Variants in SEMA3B observed in about 807,000 individuals in gnomAD.
SEMA3B encodes semaphorin 3B.
A neutral mutation model predicts 77.8 loss-of-function variants in SEMA3B; 71 were observed. The observed-to-expected ratio is 0.91, with a 90% CI of 0.75 to 1.11. The LOEUF is 1.11. Among genes scored for constraint, SEMA3B ranks in the 50% most tolerant of loss-of-function variants. SEMA3B has a pLI of 0.00. For synonymous variants in SEMA3B, 470 were observed against 452.9 expected (o/e 1.04, Z -0.48); for missense variants, 968 against 1,056.8 (o/e 0.92, Z 1.17).
rs1214752371 is a variant in SEMA3B, at chr3:50,276,712, C to G, written c.*6C>G. On this transcript the variant is annotated 3_prime_UTR_variant, in exon 17 of 17. Transcript: ENST00000616701. This position sits in a 1 kb window ranked among gnomAD's most constrained non-coding sequence, Gnocchi z 5.8. ...GCAGCGCAACGCACTGGTGACCAGA[C>G]TGTCCCCACGCCGGGAACCAAGCAG... 9 of 1,497,544 alleles carry G rather than the reference C, an allele frequency of 6.0e-6. No individual in the cohort carries two copies. Among genetic ancestry groups the G allele is most frequent in the Non-Finnish European group, 5.3e-6 (6 of 1,132,156 alleles). The allele number at this position is 1,497,544 out of a possible 1,614,324, so 92.8% of individuals were successfully genotyped here. A position where few individuals can be genotyped will look rare whatever the true frequency, so the allele number is the denominator to read the frequency against.
upstream of SEMA3B, among the ~76,000 whole-genome samples, chr3:50,267,125 A>C (rs1000553484): frequency 1.2e-4 from 19 of 152,140 alleles, no homozygotes; most frequent in East Asian, 3.9e-4. The surrounding 1 kb of genome is among the most constrained non-coding windows in gnomAD (Gnocchi z 5.7). Flanking sequence ...AAGTGGCCCA[A>C]GTGTTGAGGA....
intron 5 of SEMA3B, 64 bp downstream of exon 5, chr3:50,271,245 A>G: frequency 6.5e-7 from 1 of 1,546,650 alleles, no homozygotes; most frequent in Non-Finnish European, 8.7e-7. Flanking sequence ...ACAAAGTCCC[A>G]AGACCCCCAA....
chr3:50,269,326 C>T lies in SEMA3B; in HGVS notation c.86C>T (p.Pro29Leu), dbSNP rs936109726. 2 of 1,515,982 alleles carry T rather than the reference C, an allele frequency of 1.3e-6. No individual in the cohort carries two copies. Among genetic ancestry groups the T allele is most frequent in the African/African-American group, 1.4e-5 (1 of 71,322 alleles). 93.9% of individuals were successfully genotyped at this position (1,515,982 alleles called of 1,614,324 possible). ...VGLGSAAPSP[P>L]RLRLSFQELQ... ...CTGGGGAGTGCCGCCCCCAGCCCCC[C>T]ACGCCTTCGGCTCTCCTTCCAAGGT... Residue 29 changes from proline to leucine, a missense_variant, in exon 1 of 17, where the codon CCA becomes CTA. Coordinates refer to ENST00000616701, the MANE Select transcript of SEMA3B (RefSeq NM_001290060.2). The surrounding 1 kb of genome is among the most constrained non-coding windows in gnomAD (Gnocchi z 4.0).
In SEMA3B at chr3:50,274,121, C is replaced by T; in HGVS notation, c.1137+64C>T. On this transcript the variant is annotated intron_variant, in intron 10 of 16. Coordinates refer to ENST00000616701, the MANE Select transcript of SEMA3B (RefSeq NM_001290060.2). The surrounding 1 kb of genome is among the most constrained non-coding windows in gnomAD (Gnocchi z 4.7). ...AGCCTCAAGGGTTTGAGAACTTGGC[C>T]TGGGGTCTTCTTGGTGAATGTGGTT... 6.4e-7 allele frequency: 1 copy of T among 1,572,086 alleles called. No individual in the cohort carries two copies. Among genetic ancestry groups the T allele is most frequent in the Non-Finnish European group, 8.6e-7 (1 of 1,163,708 alleles).
rs781998921 is a variant in SEMA3B, at chr3:50,274,831, T to C, written c.1358-12T>C. On this transcript the variant is annotated splice_polypyrimidine_tract_variant and intron_variant, in intron 11 of 16. Transcript: ENST00000616701. The surrounding 1 kb of genome is among the most constrained non-coding windows in gnomAD (Gnocchi z 4.7). ...GAGCACCAATGGTCATTACCCCTTC[T>C]CATCCCTGCAGACGTTGGCACGGTG... 1.9e-6 allele frequency: 3 copies of C among 1,609,946 alleles called. No homozygotes were observed. Among genetic ancestry groups the C allele is most frequent in the Admixed American group, 3.3e-5 (2 of 59,802 alleles).
In SEMA3B at chr3:50,275,745, C is replaced by T; in HGVS notation, c.1746C>T (p.Gly582=). 2 of 1,613,314 alleles carry T rather than the reference C, an allele frequency of 1.2e-6. No individual in the cohort carries two copies. The highest frequency in any genetic ancestry group is 1.1e-5 in the South Asian group (1 of 91,044). The change falls in exon 16 of 17, where the codon GGC becomes GGT. Residue 582 remains glycine (G), a synonymous_variant. Transcript: ENST00000616701. The surrounding 1 kb of genome is among the most constrained non-coding windows in gnomAD (Gnocchi z 7.5). ...CGCTGCTGGAACACAAGGTGTTCGGCGTGGAGGGCAGCAGCGCCTTTCTGG... is the reference window on the plus strand; with the variant it reads ...CGCTGCTGGAACACAAGGTGTTCGGTGTGGAGGGCAGCAGCGCCTTTCTGG... ...RPALLEHKVF[G]VEGSSAFLEC...
chr3:50,261,525 TGAG>T, the SEMA3B span: 1 of 152,440 alleles, frequency 6.6e-6, no homozygotes, highest in Non-Finnish European at 1.5e-5. Flanking sequence ...GGAAACTCAG[TGAG>T]GAGGAGCCAG....
At chr3:50,262,004 G>T in the SEMA3B span, 1 of 152,416 alleles carries the variant, frequency 6.6e-6, no homozygotes, top group Non-Finnish European at 1.5e-5. Flanking sequence ...GCCCTAAAAA[G>T]AGACCCTGGG....
chr3:50,271,781 G>A (rs587610883), intron 6 of SEMA3B, among the ~76,000 whole-genome samples: 1 of 152,342 alleles, frequency 6.6e-6, no homozygotes, highest in African/African-American at 2.4e-5. Flanking sequence ...CCGCTGTGCT[G>A]AGGGGAGTAT....
chr3:50,262,298 AAAAT>A, the SEMA3B span: 1 of 152,172 alleles, frequency 6.6e-6, no homozygotes, highest in Admixed American at 6.5e-5. Flanking sequence ...CCATCTCAAA[AAAAT>A]AAATAAAAGG....
Position 50,270,091 on chromosome 3 carries a change from TG to T in SEMA3B, c.110-34del. On this transcript the variant is annotated intron_variant, in intron 1 of 16. Transcript: ENST00000616701. The surrounding 1 kb of genome is among the most constrained non-coding windows in gnomAD (Gnocchi z 4.7). ...CAGGACCTGGGGGAGGCTTCCAGCA[TG>T]GCTGGCGAGTCATCAGCAGTGTCCT... 1 of 1,498,720 alleles carries T rather than the reference TG, an allele frequency of 6.7e-7. No homozygotes were observed. 92.8% of individuals were successfully genotyped at this position (1,498,720 alleles called of 1,614,324 possible).
Position 50,275,639 on chromosome 3 carries a change from C to T in SEMA3B, c.1705+24C>T. The T allele has an allele frequency of 1.2e-6, 2 of 1,613,690 alleles. No individual in the cohort carries two copies. The highest frequency in any genetic ancestry group is 2.2e-5 in the South Asian group (2 of 91,078). On this transcript the variant is annotated intron_variant, in intron 15 of 16. Coordinates refer to ENST00000616701, the MANE Select transcript of SEMA3B (RefSeq NM_001290060.2). This position sits in a 1 kb window ranked among gnomAD's most constrained non-coding sequence, Gnocchi z 7.5. ...AGGTGAGTGCCCCAGCTGCCCCTAC[C>T]CTCAGCCCCAGAAGACGCCCCACCT... is the stretch of plus-strand genomic sequence containing the variant.
upstream of SEMA3B, among the ~76,000 whole-genome samples, chr3:50,264,944 G>T (rs1700873944): frequency 6.6e-6 from 1 of 152,028 alleles, no homozygotes; most frequent in Non-Finnish European, 1.5e-5. Flanking sequence ...GCAGGCGGGG[G>T]TAGGGCCACA....
rs201753816 is a variant in SEMA3B, at chr3:50,276,085, A to ACC, written c.1846-212_1846-211dup. ...GACCCTCCCATTAAGGTCCCTGACC[A>ACC]CCCCCCACCAAGTTCATGTAAACCC... is the stretch of plus-strand genomic sequence containing the variant. On this transcript the variant is annotated intron_variant, in intron 16 of 16. Transcript: ENST00000616701. The surrounding 1 kb of genome is among the most constrained non-coding windows in gnomAD (Gnocchi z 5.8). 35 of 689,724 alleles carry ACC rather than the reference A, an allele frequency of 5.1e-5. No homozygotes were observed. The highest frequency in any genetic ancestry group is 2.4e-4 in the East Asian group (7 of 28,966). The allele number at this position is 689,724 out of a possible 1,614,324, so 42.7% of individuals were successfully genotyped here.
chr3:50,273,628 AC>A lies in SEMA3B; in HGVS notation c.907del (p.His303ThrfsTer42). On this transcript the variant is annotated frameshift_variant, in exon 8 of 17. Coordinates refer to ENST00000616701, the MANE Select transcript of SEMA3B (RefSeq NM_001290060.2). LOFTEE classifies it high-confidence loss of function. This position sits in a 1 kb window ranked among gnomAD's most constrained non-coding sequence, Gnocchi z 6.5. ...VCSVPGVEGD[T>X]HFDQLQDVFL... ...CTCGGTGCCCGGCGTCGAGGGCGAC[AC>A]CCACTTCGATCAGCTCCGTGAGTGC... is the stretch of plus-strand genomic sequence containing the variant. The A allele has an allele frequency of 6.2e-7, 1 of 1,611,818 alleles. No individual in the cohort carries two copies. The highest frequency in any genetic ancestry group is 8.5e-7 in the Non-Finnish European group (1 of 1,179,592).
intron 6 of SEMA3B, 134 bp downstream of exon 6, chr3:50,271,614 C>A (rs943656425): frequency 2.3e-6 from 3 of 1,290,532 alleles, no homozygotes; most frequent in Non-Finnish European, 2.1e-6. Context: ...CAGGCACTGG[C>A]GTCACAGAGA....
Position 50,270,044 on chromosome 3 carries a change from G to A in SEMA3B, c.110-83G>A. The A allele has an allele frequency of 2.1e-6, 3 of 1,413,694 alleles. No individual in the cohort carries two copies. In the South Asian group the frequency reaches 4.4e-5, roughly 21 times the overall value. The allele number at this position is 1,413,694 out of a possible 1,614,324, so 87.6% of individuals were successfully genotyped here. ...CAGGCCAGGTCCTAATGGCAACCTTGGCCGATAGAGTCACCACCAGGCAGG... is the reference window on the plus strand; with the variant it reads ...CAGGCCAGGTCCTAATGGCAACCTTAGCCGATAGAGTCACCACCAGGCAGG... On this transcript the variant is annotated intron_variant, in intron 1 of 16. Coordinates refer to ENST00000616701, the MANE Select transcript of SEMA3B (RefSeq NM_001290060.2). This position sits in a 1 kb window ranked among gnomAD's most constrained non-coding sequence, Gnocchi z 4.7.
chr3:50,268,937 G>T, upstream of SEMA3B: 1 of 474,834 alleles, frequency 2.1e-6, no homozygotes. Context: ...TTACTGGGAA[G>T]GGTGACGTGG....
At chr3:50,263,372 G>A (rs1700855464), upstream of SEMA3B, 1 of 151,792 alleles carries the variant, frequency 6.6e-6, no homozygotes, top group Non-Finnish European at 1.5e-5. Flanking sequence ...TGTGGTGTGT[G>A]CCTGGAGTCC....
Sources: allele counts gnomAD v4.1 joint callset (sites outside exome capture counted in the v4.1 genomes callset), GRCh38; gene constraint gnomAD v4.1.1; non-coding constraint Gnocchi (gnomAD v3.1); transcripts MANE v1.5; gene names NCBI Gene and HGNC (gene_info 2026-07-23, HGNC 2026-07-21).